AUTS2: variants seen among roughly 807,000 people sequenced by gnomAD.
AUTS2 encodes activator of transcription and developmental regulator AUTS2, also known as autism susceptibility gene 2 protein.
A neutral mutation model predicts 112.4 loss-of-function variants in AUTS2; 17 were observed. The observed-to-expected ratio is 0.15, with a 90% CI of 0.10 to 0.23. AUTS2 has a LOEUF of 0.23. Ranked by LOEUF, AUTS2 falls within the 10% of genes least tolerant of loss-of-function variation. AUTS2 has a pLI of 1.00. For synonymous variants in AUTS2, 751 were observed against 702.7 expected, an observed-to-expected ratio of 1.07 and a Z score of -1.09; for missense variants, 1,510 against 1,701.6, an observed-to-expected ratio of 0.89 and a Z score of 1.98.
intron 1 of AUTS2, among the ~76,000 whole-genome samples, chr7:69,716,595 T>C (rs1212572529): frequency 2.0e-5 from 3 of 152,132 alleles, no homozygotes; most frequent in Non-Finnish European, 2.9e-5. Context: ...GCTGAACTTA[T>C]TCAATTTAAT....
intron 1 of AUTS2, among the ~76,000 whole-genome samples, chr7:69,806,068 T>G (rs1361475833): frequency 6.6e-6 from 1 of 151,484 alleles, no homozygotes; most frequent in Admixed American, 6.6e-5. Context: ...CCTGGCTAAT[T>G]TTGTAACTTT....
rs1715323724 is a variant in AUTS2 at position 70,762,891 on chromosome 7, C to T, written c.764C>T (p.Thr255Met). ...GCAGATCCGGAGTTAGGTGTTGGCA[C>T]GCTACCAGAACATGACAGCCAGGAT... Reference protein sequence around the residue: ...VNKDPELGVGTLPEHDSQDAG... With the variant: ...VNKDPELGVGMLPEHDSQDAG... Residue 255 changes from threonine to methionine, a missense_variant, in exon 7 of 19, where the codon ACG becomes ATG. This residue lies in a region of AUTS2 where 535 missense variants were observed against 594.3 expected (regional missense o/e 0.90). Transcript: ENST00000342771. The T allele has an allele frequency of 3.1e-6, 5 of 1,613,522 alleles. No homozygotes were observed. The highest frequency in any genetic ancestry group is 4.2e-6 in the Non-Finnish European group (5 of 1,179,576).
At chr7:69,691,617 G>A (rs985783507) in intron 1 of AUTS2, among the ~76,000 whole-genome samples, 2 of 151,964 alleles carry the variant, frequency 1.3e-5, no homozygotes, top group Non-Finnish European at 2.9e-5. Flanking sequence ...GGGAGTGGGA[G>A]CATGTACTTC....
chr7:70,659,133 AG>A (rs1212860494), intron 5 of AUTS2, among the ~76,000 whole-genome samples: 1 of 152,102 alleles, frequency 6.6e-6, no homozygotes, highest in Non-Finnish European at 1.5e-5. Context: ...GCCTGTTCTC[AG>A]GGGGGACAAG....
At chr7:70,786,092 C>A in intron 17 of AUTS2, 54 bp downstream of exon 17, 2 of 1,463,646 alleles carry the variant, frequency 1.4e-6, no homozygotes, top group South Asian at 1.1e-5. Flanking sequence ...CTCCTGTGAT[C>A]CGCATATGGC....
chr7:69,839,788 AGTT>A (rs752839122), intron 1 of AUTS2, among the ~76,000 whole-genome samples: 32 of 152,044 alleles, frequency 2.1e-4, no homozygotes, highest in African/African-American at 6.0e-4. Context: ...AGCCACCTGC[AGTT>A]GTTGTTGTTG....
At chr7:69,881,387 G>A (rs929287219) in intron 1 of AUTS2, among the ~76,000 whole-genome samples, 1 of 150,682 alleles carries the variant, frequency 6.6e-6, no homozygotes, top group Non-Finnish European at 1.5e-5. Flanking sequence ...TTTTTTTAAT[G>A]GTTAGGCTCT....
rs114143017 is a variant in AUTS2 at position 69,859,832 on chromosome 7, C to T, written c.310-39454C>T. Among the ~76,000 whole-genome samples the T allele has an allele frequency of 8.8e-3, 1,337 of 152,198 alleles. 22 individuals are homozygous for T. The highest frequency in any genetic ancestry group is 0.031 in the African/African-American group (1,273 of 41,492). On this transcript the variant is annotated intron_variant, in intron 1 of 18. Coordinates refer to ENST00000342771, the MANE Select transcript of AUTS2 (RefSeq NM_015570.4). ...ACAAACAAAAACAACAACAACAAAA[C>T]CCTAGTAGAGTACCTGAACTCTAAA... is the stretch of plus-strand genomic sequence containing the variant.
chr7:69,788,710 A>G (rs534956168), intron 1 of AUTS2, among the ~76,000 whole-genome samples: 4 of 152,194 alleles, frequency 2.6e-5, no homozygotes, highest in South Asian at 2.1e-4. Flanking sequence ...AGCCTTCATT[A>G]CTTGACCATT....
At chr7:70,461,203 A>G (rs779917438) in intron 5 of AUTS2, among the ~76,000 whole-genome samples, 1 of 143,840 alleles carries the variant, frequency 7.0e-6, no homozygotes, top group Non-Finnish European at 1.5e-5. Context: ...TAAGGGCAGA[A>G]AAAAGGAACT....
intron 3 of AUTS2, 133 bp downstream of exon 3, chr7:70,118,366 G>T: frequency 9.3e-7 from 1 of 1,080,626 alleles, no homozygotes; most frequent in Non-Finnish European, 1.3e-6. Flanking sequence ...CAAGCATTGC[G>T]GTTCACATTA....
Position 70,774,094 on chromosome 7 carries a change from C to A in AUTS2, c.1897C>A (p.Pro633Thr). 1 of 1,614,142 alleles carries A rather than the reference C, an allele frequency of 6.2e-7. No homozygotes were observed. Reference protein sequence around the residue: ...TVPHTLLQKDPRLTDPFRPML... With the variant: ...TVPHTLLQKDTRLTDPFRPML... ...CCCACACACTTTACTCCAAAAGGACCCGAGGGTACGTGCAAAGTCAGGCTT... is the reference window on the plus strand; with the variant it reads ...CCCACACACTTTACTCCAAAAGGACACGAGGGTACGTGCAAAGTCAGGCTT... Residue 633 changes from proline (P) to threonine (T), a missense_variant, in exon 12 of 19, where the codon CCG becomes ACG. Physicochemically the swap from Pro to Thr is conservative, Grantham distance 38 (BLOSUM62 -1). This residue lies in a region of AUTS2 where 187 missense variants were observed against 309.7 expected (regional missense o/e 0.60). Coordinates refer to ENST00000342771, the MANE Select transcript of AUTS2 (RefSeq NM_015570.4).
intron 5 of AUTS2, among the ~76,000 whole-genome samples, chr7:70,581,816 G>C (rs370607454): frequency 3.4e-4 from 51 of 152,192 alleles, no homozygotes; most frequent in African/African-American, 1.2e-3. Context: ...TTTTAATGTG[G>C]TGTAGTTGAC....
At chr7:70,711,455 C>T (rs79634910) in intron 6 of AUTS2, among the ~76,000 whole-genome samples, 4,310 of 152,184 alleles carry the variant, frequency 0.028, 205 homozygotes, top group African/African-American at 0.099. Flanking sequence ...TGCATCAGGC[C>T]AAAAATACCT....
Position 69,598,511 on chromosome 7 carries a change from G to A in AUTS2, c.-1143G>A. ...TCCCGCTGCAGCCGCCCGGGGACAC[G>A]CCGTGCACCCTCCGGCTCGGGGCTT... On this transcript the variant is annotated 5_prime_UTR_variant, in exon 1 of 19. Coordinates refer to ENST00000342771, the MANE Select transcript of AUTS2 (RefSeq NM_015570.4). 1 of 163,468 alleles carries A rather than the reference G, an allele frequency of 6.1e-6. No homozygotes were observed. The highest frequency in any genetic ancestry group is 1.5e-4 in the South Asian group (1 of 6,892). The allele number at this position is 163,468 out of a possible 1,614,324, so 10.1% of individuals were successfully genotyped here.
At chr7:70,119,762 G>C (rs1334115407) in intron 3 of AUTS2, 1 of 152,050 alleles carries the variant, frequency 6.6e-6, no homozygotes, top group Non-Finnish European at 1.5e-5. Context: ...AAAAAAAAGA[G>C]ATAGCACTTC....
intron 6 of AUTS2, among the ~76,000 whole-genome samples, chr7:70,712,193 CTTTTTTTTTTTTTTTTT>C (rs67326941): frequency 4.4e-5 from 2 of 45,084 alleles, no homozygotes; most frequent in African/African-American, 9.9e-5. Context: ...GCCTGGCTCA[CTTTTTTTTTTTTTTTTT>C]TTTTTTTTTT....
chr7:69,716,919 A>G (rs1407795380), intron 1 of AUTS2, among the ~76,000 whole-genome samples: 4 of 152,198 alleles, frequency 2.6e-5, no homozygotes, highest in Non-Finnish European at 4.4e-5. Flanking sequence ...GTAGGGCAAG[A>G]TAGGAGAGAA....
chr7:69,824,030 A>G (rs1791123322), intron 1 of AUTS2, among the ~76,000 whole-genome samples: 1 of 152,182 alleles, frequency 6.6e-6, no homozygotes, highest in Non-Finnish European at 1.5e-5. Flanking sequence ...TACCAACCTC[A>G]CTGAGATATT....
Sources: allele counts gnomAD v4.1 joint callset (sites outside exome capture counted in the v4.1 genomes callset), GRCh38; gene constraint gnomAD v4.1.1; regional missense constraint gnomAD v4.1.1; transcripts MANE v1.5; gene names NCBI Gene and HGNC (gene_info 2026-07-23, HGNC 2026-07-21).